TULP3: variants seen among roughly 807,000 people sequenced by gnomAD.
TULP3 encodes tubby-related protein 3.
In TULP3, 38 loss-of-function variants were observed where a neutral mutation model predicts 50.7. The ratio of observed to expected loss-of-function variants is 0.75; its 90% CI spans 0.58 to 0.98. TULP3 has a LOEUF of 0.98. Among genes scored for constraint, TULP3 ranks in the 50% least tolerant of loss-of-function variants. TULP3 has a pLI of 0.00. For synonymous variants in TULP3, 183 were observed against 196.6 expected, an observed-to-expected ratio of 0.93 and a Z score of 0.58; for missense variants, 550 against 568.0, an observed-to-expected ratio of 0.97 and a Z score of 0.32.
At chr12:2,900,740 TGA>T (rs1325661179) in intron 1 of TULP3, among the ~76,000 whole-genome samples, 2 of 151,970 alleles carry the variant, frequency 1.3e-5, no homozygotes, top group African/African-American at 2.4e-5. Context: ...TTTTGTTTTT[TGA>T]GAGTGTCTTG....
At chr12:2,901,816 T>C (rs2098179485) in intron 1 of TULP3, among the ~76,000 whole-genome samples, 1 of 152,212 alleles carries the variant, frequency 6.6e-6, no homozygotes, top group African/African-American at 2.4e-5. Context: ...CATAACAGTA[T>C]CTTTGCAGAA....
chr12:2,902,736 C>T (rs777525031), intron 1 of TULP3, among the ~76,000 whole-genome samples: 1 of 152,008 alleles, frequency 6.6e-6, no homozygotes. Flanking sequence ...TGGAGAGTAA[C>T]GTTTTAAAGT....
chr12:2,911,664 C>CTTTTGTTTT (rs2098185715), intron 2 of TULP3, among the ~76,000 whole-genome samples: 1 of 38,130 alleles, frequency 2.6e-5, no homozygotes, highest in Non-Finnish European at 5.1e-5. Flanking sequence ...TGCGCCCAGC[C>CTTTTGTTTT]TTTTTTTTTT....
At chr12:2,900,963 T>C (rs1271439523) in intron 1 of TULP3, among the ~76,000 whole-genome samples, 1 of 150,816 alleles carries the variant, frequency 6.6e-6, no homozygotes, top group Non-Finnish European at 1.5e-5. Context: ...TCCTCTTGCC[T>C]CTTAAAGTGC....
chr12:2,930,825 C>T, intron 5 of TULP3: 1 of 620,110 alleles, frequency 1.6e-6, no homozygotes, highest in South Asian at 1.9e-5. Flanking sequence ...TGTCTCAGGT[C>T]AGCTATTGTG....
At chr12:2,899,700 T>C (rs901167963) in intron 1 of TULP3, among the ~76,000 whole-genome samples, 4 of 151,932 alleles carry the variant, frequency 2.6e-5, no homozygotes, top group East Asian at 3.9e-4. Context: ...GAGACCATCC[T>C]GGCTAACACA....
intron 1 of TULP3, among the ~76,000 whole-genome samples, chr12:2,896,555 A>G (rs910675509): frequency 8.5e-5 from 13 of 152,208 alleles, no homozygotes; most frequent in African/African-American, 3.1e-4. Flanking sequence ...GACCTTTAGA[A>G]TATGAACTAT....
chr12:2,907,728 C>CTT (rs59443657), intron 1 of TULP3, among the ~76,000 whole-genome samples: 2 of 151,314 alleles, frequency 1.3e-5, no homozygotes, highest in African/African-American at 2.4e-5. Context: ...TTTGTTTTAT[C>CTT]TTTTTTTGTC....
At chr12:2,932,089 A>T (rs1215958560) in intron 6 of TULP3, among the ~76,000 whole-genome samples, 1 of 152,194 alleles carries the variant, frequency 6.6e-6, no homozygotes, top group Non-Finnish European at 1.5e-5. Flanking sequence ...TTTAGGAAGG[A>T]TGCCTATATA....
In TULP3 at chr12:2,903,485, C is replaced by G. The variant is rs569536769; in HGVS notation, c.42-6044C>G. On this transcript the variant is annotated intron_variant, in intron 1 of 10. Coordinates refer to ENST00000448120, the MANE Select transcript of TULP3 (RefSeq NM_003324.5). ...GCTGAGGCAGGAGAATTGCTTGAAC[C>G]CGGGAGGCGGAGGTTGCGGCGAGCC... Among the ~76,000 whole-genome samples the G allele has an allele frequency of 5.3e-5, 8 of 151,220 alleles. No individual in the cohort carries two copies. The South Asian group carries it at 1.3e-3, about 24-fold the overall frequency.
intron 4 of TULP3, among the ~76,000 whole-genome samples, chr12:2,923,831 TTGTC>T (rs2098193169): frequency 6.8e-6 from 1 of 148,034 alleles, no homozygotes; most frequent in South Asian, 2.1e-4. Context: ...AAAAAAAAAA[TTGTC>T]TGGGTGCAGT....
At chr12:2,905,607 A>G (rs1049838742) in intron 1 of TULP3, among the ~76,000 whole-genome samples, 2 of 152,190 alleles carry the variant, frequency 1.3e-5, no homozygotes, top group African/African-American at 4.8e-5. Context: ...TAAATGTTAC[A>G]GTTACTTAAC....
chr12:2,917,612 T>C (rs544064834), intron 2 of TULP3, among the ~76,000 whole-genome samples: 1 of 152,156 alleles, frequency 6.6e-6, no homozygotes, highest in African/African-American at 2.4e-5. Context: ...GTACGGTGGC[T>C]CATGCCTGTA....
intron 1 of TULP3, among the ~76,000 whole-genome samples, chr12:2,900,258 C>T (rs1407668621): frequency 6.6e-6 from 1 of 152,040 alleles, no homozygotes; most frequent in East Asian, 1.9e-4. Flanking sequence ...TCTAAAGATA[C>T]GTTGTTCTGT....
At chr12:2,892,193 G>T (rs779825483) in intron 1 of TULP3, among the ~76,000 whole-genome samples, 2 of 151,958 alleles carry the variant, frequency 1.3e-5, no homozygotes, top group Non-Finnish European at 2.9e-5. Flanking sequence ...TGGGGGTAAA[G>T]AACATGTATT....
Position 2,940,070 on chromosome 12 carries a change from G to A in TULP3, c.*626G>A. 2 of 1,289,380 alleles carry A rather than the reference G, an allele frequency of 1.6e-6. No homozygotes were observed. Among genetic ancestry groups the A allele is most frequent in the Non-Finnish European group, 2.0e-6 (2 of 988,876 alleles). 79.9% of individuals were successfully genotyped at this position (1,289,380 alleles called of 1,614,324 possible). A position where few individuals can be genotyped will look rare whatever the true frequency, so the allele number is the denominator to read the frequency against. On this transcript the variant is annotated 3_prime_UTR_variant, in exon 11 of 11. Transcript: ENST00000448120. ...GTCAAGAGTGGCTGTGATCACATTT[G>A]TGATCAATTATGTGAGAATTTTATA...
At position 2,913,148 on chromosome 12, in the gene TULP3, G is replaced by T. The variant is rs117968806; in HGVS notation, c.93+3568G>T. Reference sequence around the variant, plus strand: ...GAGCCATTCTAGTGGGTGTGAAGTGGTATCTCATTGTAGTTTTGATTTGCA... The same window carrying T: ...GAGCCATTCTAGTGGGTGTGAAGTGTTATCTCATTGTAGTTTTGATTTGCA... On this transcript the variant is annotated intron_variant, in intron 2 of 10. Coordinates refer to ENST00000448120, the MANE Select transcript of TULP3 (RefSeq NM_003324.5). 8.3e-4 allele frequency among the ~76,000 whole-genome samples: 125 copies of T among 151,110 alleles called. 2 individuals are homozygous for T. The highest frequency in any genetic ancestry group is 5.7e-3 in the Admixed American group (87 of 15,172).
In TULP3 at chr12:2,939,388, G is replaced by T; in HGVS notation, c.1273G>T (p.Val425Leu). Residue 425 changes from valine (V) to leucine (L), a missense_variant, in exon 11 of 11, where the codon GTA (valine) becomes TTA (leucine). Transcript: ENST00000448120. This position sits in a 1 kb window ranked among gnomAD's most constrained non-coding sequence, Gnocchi z 4.0. ...TLDYNYPLCA[V>L]QAFGIGLSSF... ...GGATTACAACTACCCACTTTGTGCA[G>T]TACAGGCCTTTGGCATCGGTCTTTC... The T allele has an allele frequency of 6.2e-7, 1 of 1,614,202 alleles. No individual in the cohort carries two copies. The highest frequency in any genetic ancestry group is 8.5e-7 in the Non-Finnish European group (1 of 1,180,034).
At chr12:2,932,131 G>T (rs186215533) in intron 6 of TULP3, among the ~76,000 whole-genome samples, 91 of 152,284 alleles carry the variant, frequency 6.0e-4, no homozygotes, top group Middle Eastern at 6.8e-3. Context: ...GGTCACAGTG[G>T]TTTAACACAA....
Sources: gnomAD v4.1 joint callset for allele counts (sites outside exome capture counted in the v4.1 genomes callset) on GRCh38, gnomAD v4.1.1 for gene constraint, Gnocchi (gnomAD v3.1) non-coding constraint, MANE v1.5 for transcripts, NCBI Gene and HGNC (gene_info 2026-07-23, HGNC 2026-07-21) for gene names.